The following MED13L variants were observed in gnomAD, a reference collection of about 807,000 sequenced individuals.
MED13L encodes the protein mediator of RNA polymerase II transcription subunit 13-like.
Under a neutral mutation model 220.9 loss-of-function variants are expected in MED13L, and 7 were observed. That is an observed-to-expected ratio of 0.03 (90% CI 0.02 to 0.06). MED13L has a LOEUF of 0.06. Among genes scored for constraint, MED13L ranks in the 10% least tolerant of loss-of-function variants. The pLI is 1.00. For synonymous variants in MED13L, 1,011 were observed against 1,015.2 expected, an observed-to-expected ratio of 1.00 and a Z score of 0.08; for missense variants, 1,965 against 2,760.5, an observed-to-expected ratio of 0.71 and a Z score of 6.46.
At chr12:116,009,459 C>A (rs1411579925) in intron 9 of MED13L, among the ~76,000 whole-genome samples, 3 of 152,076 alleles carry the variant, frequency 2.0e-5, no homozygotes, top group African/African-American at 7.2e-5. Context: ...ATCTTAAAAC[C>A]ATGAGAGTAG....
At chr12:116,245,673 G>A (rs573019012) in intron 1 of MED13L, among the ~76,000 whole-genome samples, 1 of 152,190 alleles carries the variant, frequency 6.6e-6, no homozygotes, top group East Asian at 1.9e-4. Flanking sequence ...AATGATTCCA[G>A]AAATGATAAA....
chr12:115,977,054 T>C (rs1320712381), intron 23 of MED13L, among the ~76,000 whole-genome samples: 3 of 152,190 alleles, frequency 2.0e-5, no homozygotes, highest in African/African-American at 7.2e-5. Context: ...TCCCAGCTAC[T>C]TGGGAGGCTG....
chr12:116,044,346 T>C (rs973731797), intron 4 of MED13L, among the ~76,000 whole-genome samples: 3 of 152,342 alleles, frequency 2.0e-5, no homozygotes, highest in South Asian at 2.1e-4. Context: ...CCCGAATGTA[T>C]TGCTGACTCA....
At chr12:116,225,891 T>A (rs768497065) in intron 2 of MED13L, among the ~76,000 whole-genome samples, 9 of 152,102 alleles carry the variant, frequency 5.9e-5, no homozygotes, top group Non-Finnish European at 1.2e-4. Context: ...GCTAGCAAAG[T>A]CAAAAATAAA....
intron 16 of MED13L, among the ~76,000 whole-genome samples, chr12:115,995,311 T>C (rs906357801): frequency 6.6e-6 from 1 of 152,198 alleles, no homozygotes; most frequent in East Asian, 1.9e-4. Context: ...CATCTATATA[T>C]TGCTTACCTG....
At chr12:116,158,706 A>G (rs1878633493) in intron 2 of MED13L, among the ~76,000 whole-genome samples, 1 of 152,226 alleles carries the variant, frequency 6.6e-6, no homozygotes, top group Non-Finnish European at 1.5e-5. Context: ...AGGAATCAAA[A>G]TTAATGCTCA....
intron 2 of MED13L, among the ~76,000 whole-genome samples, chr12:116,165,259 C>CTTTTTTTT (rs34196219): frequency 9.4e-5 from 7 of 74,490 alleles, no homozygotes; most frequent in African/African-American, 4.1e-4. Context: ...AGGCACCATC[C>CTTTTTTTT]TTTTTTTTTT....
intron 30 of MED13L, among the ~76,000 whole-genome samples, chr12:115,962,963 G>A (rs1185167158): frequency 1.3e-5 from 2 of 152,218 alleles, no homozygotes; most frequent in African/African-American, 4.8e-5. Flanking sequence ...GGAGTTTGCA[G>A]TGAGCTGAGA....
At chr12:116,052,207 C>T (rs1237256369) in intron 4 of MED13L, among the ~76,000 whole-genome samples, 3 of 151,996 alleles carry the variant, frequency 2.0e-5, no homozygotes, top group Admixed American at 6.6e-5. Flanking sequence ...GGCAAGGATT[C>T]GAATTCAAAG....
intron 4 of MED13L, among the ~76,000 whole-genome samples, chr12:116,062,458 A>G (rs986937457): frequency 4.7e-5 from 7 of 150,402 alleles, no homozygotes; most frequent in Admixed American, 4.6e-4. Context: ...TAGGAAATGA[A>G]TAGAATAGTG....
rs574485595 is a variant in MED13L, at chr12:116,129,126, T to C, written c.311-17614A>G. On this transcript the variant is annotated intron_variant, in intron 2 of 30. Coordinates refer to ENST00000281928, the MANE Select transcript of MED13L (RefSeq NM_015335.5). ...TTTCTCACCAATTTTTAAAACAGAA[T>C]TATTTTTAATAAAGTATAACTCAAG... Among the ~76,000 whole-genome samples, 14 of 152,324 alleles carry C rather than the reference T, an allele frequency of 9.2e-5. No homozygotes were observed. The South Asian group carries it at 2.9e-3, about 32-fold the overall frequency.
At chr12:116,080,346 G>C (rs770195494) in intron 4 of MED13L, among the ~76,000 whole-genome samples, 6 of 152,158 alleles carry the variant, frequency 3.9e-5, no homozygotes, top group South Asian at 4.1e-4. Flanking sequence ...ACAATTAGAA[G>C]TTCCCCAAGA....
At chr12:115,974,671 A>G (rs1424501481) in intron 25 of MED13L, among the ~76,000 whole-genome samples, 1 of 152,230 alleles carries the variant, frequency 6.6e-6, no homozygotes, top group Non-Finnish European at 1.5e-5. Flanking sequence ...AGACAGTGGC[A>G]ATGTGAATAA....
At chr12:116,018,884 A>G (rs1398244115) in intron 7 of MED13L, among the ~76,000 whole-genome samples, 1 of 148,910 alleles carries the variant, frequency 6.7e-6, no homozygotes, top group Admixed American at 6.7e-5. Flanking sequence ...AGTATTCTTC[A>G]GTTGTTCAAA....
At chr12:116,053,084 C>T (rs758512796) in intron 4 of MED13L, among the ~76,000 whole-genome samples, 9 of 152,126 alleles carry the variant, frequency 5.9e-5, no homozygotes, top group Non-Finnish European at 1.2e-4. Context: ...TTACGGAAAA[C>T]ATTTTCTCCA....
chr12:116,032,163 C>T (rs935535714), intron 4 of MED13L, among the ~76,000 whole-genome samples: 1 of 151,946 alleles, frequency 6.6e-6, no homozygotes, highest in African/African-American at 2.4e-5. Flanking sequence ...TCATATATTC[C>T]TGGATATAAT....
intron 4 of MED13L, among the ~76,000 whole-genome samples, chr12:116,071,905 A>AT (rs1479738339): frequency 6.6e-6 from 1 of 152,208 alleles, no homozygotes; most frequent in Admixed American, 6.5e-5. Flanking sequence ...ATTTCCAGCC[A>AT]TACTACCCTG....
Position 116,122,848 on chromosome 12 carries a change from A to G in MED13L, c.311-11336T>C, listed in dbSNP as rs1434184802. Among the ~76,000 whole-genome samples, 11 of 152,172 alleles carry G rather than the reference A, an allele frequency of 7.2e-5. 1 individual carries two copies. The East Asian group carries it at 1.9e-3, about 27-fold the overall frequency. The stretch of plus-strand genomic sequence containing the variant: ...TCAATGGATCACAAGACTCCCTGTA[A>G]AGCCAGCAAACTTTAAATTGAAGGA... On this transcript the variant is annotated intron_variant, in intron 2 of 30. Transcript: ENST00000281928.
chr12:116,113,814 GGGAAGA>G (rs1187524506), intron 2 of MED13L, among the ~76,000 whole-genome samples: 5 of 64,248 alleles, frequency 7.8e-5, no homozygotes, highest in African/African-American at 3.2e-4. Flanking sequence ...GGAGGGAGGG[GGGAAGA>G]GGGAGAGGGG....
Sources: allele counts gnomAD v4.1 joint callset (sites outside exome capture counted in the v4.1 genomes callset), GRCh38; gene constraint gnomAD v4.1.1; transcripts MANE v1.5; gene names NCBI Gene and HGNC (gene_info 2026-07-23, HGNC 2026-07-21).